RANBP10: variants seen among roughly 807,000 people sequenced by gnomAD.
The protein encoded by RANBP10 is ran-binding protein 10.
Under a neutral mutation model 72.8 loss-of-function variants are expected in RANBP10, and 24 were observed. The ratio of observed to expected loss-of-function variants is 0.33; its 90% CI spans 0.24 to 0.46. The LOEUF (loss-of-function observed/expected upper bound fraction) is 0.46, where lower values mean the gene tolerates loss of function less well. Ranked by LOEUF, RANBP10 falls within the 20% of genes least tolerant of loss-of-function variation. RANBP10 has a pLI of 1.00. For synonymous variants in RANBP10, 310 were observed against 322.3 expected, an observed-to-expected ratio of 0.96 and a Z score of 0.41; for missense variants, 679 against 817.5, an observed-to-expected ratio of 0.83 and a Z score of 2.07.
At chr16:67,760,190 C>G (rs2054369231) in intron 3 of RANBP10, among the ~76,000 whole-genome samples, 1 of 152,144 alleles carries the variant, frequency 6.6e-6, no homozygotes, top group Non-Finnish European at 1.5e-5. Context: ...CTGGTATTTG[C>G]TCAAAACAGA....
intron 2 of RANBP10, among the ~76,000 whole-genome samples, chr16:67,785,958 G>A (rs974404993): frequency 1.3e-5 from 2 of 151,066 alleles, no homozygotes; most frequent in Non-Finnish European, 2.9e-5. Flanking sequence ...CTTGGGAGGC[G>A]GAGCTTGCAG....
chr16:67,755,928 C>A (rs1480227184), intron 3 of RANBP10, among the ~76,000 whole-genome samples: 2 of 152,146 alleles, frequency 1.3e-5, no homozygotes, highest in East Asian at 1.9e-4. Flanking sequence ...AAAGTCTATG[C>A]CCGGCCATGT....
chr16:67,769,745 C>CAAAA lies in RANBP10; in HGVS notation c.400+2285_400+2288dup, dbSNP rs58319144. On this transcript the variant is annotated intron_variant, in intron 3 of 13. Coordinates refer to ENST00000317506, the MANE Select transcript of RANBP10 (RefSeq NM_020850.3). The stretch of plus-strand genomic sequence containing the variant: ...TGGGCGAAAGAGCAAGACTCCGTCT[C>CAAAA]AAAAAAAAAAAAAAAAAAAAAAAAA... 7.5e-3 allele frequency among the ~76,000 whole-genome samples: 209 copies of CAAAA among 27,762 alleles called. 11 individuals are homozygous for CAAAA. Among genetic ancestry groups the CAAAA allele is most frequent in the African/African-American group, 9.5e-3 (97 of 10,178 alleles). The allele number at this position is 27,762 out of a possible 152,430, so 18.2% of individuals were successfully genotyped here. A position where few individuals can be genotyped will look rare whatever the true frequency, so the allele number is the denominator to read the frequency against.
At chr16:67,802,398 G>C (rs117200799) in intron 2 of RANBP10, among the ~76,000 whole-genome samples, 7,269 of 152,290 alleles carry the variant, frequency 0.048, 241 homozygotes, top group Non-Finnish European at 0.074. Flanking sequence ...AGCACTTTGG[G>C]AGACTGACGC....
chr16:67,780,202 A>T (rs13336120), intron 2 of RANBP10, among the ~76,000 whole-genome samples: 5,050 of 152,248 alleles, frequency 0.033, 234 homozygotes, highest in African/African-American at 0.11. Context: ...ATTGCACTCC[A>T]GCCTGGCAAC....
At position 67,727,375 on chromosome 16, in the gene RANBP10, G is replaced by T; in HGVS notation, c.1684C>A (p.Pro562Thr). 6.2e-7 allele frequency: 1 copy of T among 1,613,884 alleles called. No homozygotes were observed. The highest frequency in any genetic ancestry group is 1.1e-5 in the South Asian group (1 of 91,070). Reference protein sequence around the residue: ...WSCPVGQQLDPIQREPVCAAL... With the variant: ...WSCPVGQQLDTIQREPVCAAL... ...GCACACACAGGTTCCCTCTGGATGG[G>T]GTCAAGCTGCTGGCCAACTGGGCAG... Residue 562 changes from proline to threonine, a missense_variant, in exon 13 of 14, where the codon CCC (proline) becomes ACC (threonine). Transcript: ENST00000317506.
In RANBP10 at chr16:67,724,664, C is replaced by T. The variant is rs1302559284; in HGVS notation, c.*1764G>A. The T allele has an allele frequency of 2.6e-5, 4 of 152,286 alleles. No homozygotes were observed. The highest frequency in any genetic ancestry group is 6.5e-5 in the Admixed American group (1 of 15,280). 9.4% of individuals were successfully genotyped at this position (152,286 alleles called of 1,614,324 possible). ...AATTCTGACAGCACAGGGCCCAGGGCCCTGGCCCCATCACCAGCAGTTGGT... is the reference window on the plus strand; with the variant it reads ...AATTCTGACAGCACAGGGCCCAGGGTCCTGGCCCCATCACCAGCAGTTGGT... On this transcript the variant is annotated 3_prime_UTR_variant, in exon 14 of 14. Coordinates refer to ENST00000317506, the MANE Select transcript of RANBP10 (RefSeq NM_020850.3).
intron 4 of RANBP10, among the ~76,000 whole-genome samples, chr16:67,741,116 C>A (rs1408908562): frequency 1.3e-5 from 2 of 152,148 alleles, no homozygotes; most frequent in South Asian, 4.1e-4. Context: ...GAGATAATAT[C>A]GATATCTCGA....
intron 3 of RANBP10, among the ~76,000 whole-genome samples, chr16:67,755,683 CAAAAAAAAAAAA>C (rs58929828): frequency 1.8e-5 from 1 of 54,370 alleles, no homozygotes; most frequent in East Asian, 5.3e-4. Flanking sequence ...GACTCTGCCT[CAAAAAAAAAAAA>C]AAAAAAAAAA....
chr16:67,767,600 A>AT (rs558839323), intron 3 of RANBP10, among the ~76,000 whole-genome samples: 12,291 of 145,356 alleles, frequency 0.085, 621 homozygotes, highest in Admixed American at 0.12. Flanking sequence ...TGTCTCTACA[A>AT]TTTTTTTTTT....
intron 2 of RANBP10, among the ~76,000 whole-genome samples, chr16:67,785,564 C>T (rs1258776096): frequency 6.6e-6 from 1 of 151,578 alleles, no homozygotes; most frequent in African/African-American, 2.4e-5. Context: ...CCCGTCTCCA[C>T]TAAAAATACA....
At chr16:67,761,814 G>A (rs2054400345) in intron 3 of RANBP10, among the ~76,000 whole-genome samples, 1 of 152,080 alleles carries the variant, frequency 6.6e-6, no homozygotes, top group Admixed American at 6.6e-5. Flanking sequence ...CAAGTGATCT[G>A]CCCGCCTCGG....
chr16:67,759,464 T>A (rs968738693), intron 3 of RANBP10: 1 of 152,208 alleles, frequency 6.6e-6, no homozygotes, highest in Non-Finnish European at 1.5e-5. Context: ...CCTACCAGCC[T>A]CAGTCAGGCA....
rs370675511 is a variant in RANBP10 at position 67,734,947 on chromosome 16, G to A, written c.687C>T (p.Tyr229=). Residue 229 remains tyrosine, a synonymous_variant, in exon 6 of 14, where the codon TAC becomes TAT. Transcript: ENST00000317506. ...QQPFLFDIED[Y]MREWRAKVQG... is the part of the protein sequence containing the mutation. ...GGACCTTGGCACGCCACTCCCGCAT[G>A]TAGTCCTCAATGTCAAACAGGAAGG... The A allele has an allele frequency of 5.2e-5, 84 of 1,614,022 alleles. No homozygotes were observed. Among genetic ancestry groups the A allele is most frequent in the Non-Finnish European group, 6.9e-5 (82 of 1,180,014 alleles).
At chr16:67,738,119 C>T in intron 4 of RANBP10, 84 bp from the exon 5 acceptor site, 1 of 1,406,806 alleles carries the variant, frequency 7.1e-7, no homozygotes, top group South Asian at 1.4e-5. Flanking sequence ...AGTGCTAGGG[C>T]CGGGTAGTTG....
In RANBP10 at chr16:67,723,115, AAC is replaced by A. The variant is rs1432499652; in HGVS notation, c.*3311_*3312del. The A allele has an allele frequency of 1.3e-5, 2 of 152,598 alleles. No individual in the cohort carries two copies. The highest frequency in any genetic ancestry group is 2.9e-5 in the Non-Finnish European group (2 of 68,046). The allele number at this position is 152,598 out of a possible 1,614,324, so 9.5% of individuals were successfully genotyped here. A position where few individuals can be genotyped will look rare whatever the true frequency, so the allele number is the denominator to read the frequency against. On this transcript the variant is annotated 3_prime_UTR_variant, in exon 14 of 14. Transcript: ENST00000317506. ...AATAAAAATAATTCTGTCAAAATACAACAGAGTTTTTTTTTTGTCTCTCAAGT... is the reference window on the plus strand; with the variant it reads ...AATAAAAATAATTCTGTCAAAATACAAGAGTTTTTTTTTTGTCTCTCAAGT...
At chr16:67,805,303 T>C (rs1287672071) in intron 2 of RANBP10, 125 bp downstream of exon 2, 3 of 721,252 alleles carry the variant, frequency 4.2e-6, no homozygotes, top group East Asian at 2.8e-5. Context: ...CAGGAAATAA[T>C]GGCAGCCCAG....
chr16:67,734,749 G>T, intron 6 of RANBP10, 109 bp downstream of exon 6: 1 of 1,188,764 alleles, frequency 8.4e-7, no homozygotes, highest in Non-Finnish European at 1.1e-6. Context: ...TTCCCAGAAA[G>T]GATCCACCCG....
intron 5 of RANBP10, 30 bp downstream of exon 5, chr16:67,737,983 A>T: frequency 6.3e-7 from 1 of 1,575,312 alleles, no homozygotes. Context: ...CCAGAAACCC[A>T]GGAGGGGAAG....
Sources: allele counts gnomAD v4.1 joint callset (sites outside exome capture counted in the v4.1 genomes callset), GRCh38; gene constraint gnomAD v4.1.1; transcripts MANE v1.5; gene names NCBI Gene and HGNC (gene_info 2026-07-23, HGNC 2026-07-21).